Variants in SLC22A15 observed in about 807,000 individuals in gnomAD.
The protein encoded by SLC22A15 is solute carrier family 22 member 15, also known as flipt 1.
Under a neutral mutation model 62.7 loss-of-function variants are expected in SLC22A15, and 45 were observed. The observed-to-expected ratio is 0.72, with a 90% confidence interval of 0.56 to 0.92. SLC22A15 has a LOEUF of 0.92. Among genes scored for constraint, SLC22A15 ranks in the 40% least tolerant of loss-of-function variants. The probability of loss-of-function intolerance (pLI) is 0.00; values close to 1 mark genes in which losing one functional copy is unlikely to be tolerated. For missense variants in SLC22A15, 622 were observed against 665.6 expected (o/e 0.93, Z 0.72); for synonymous variants, 264 against 267.0 (o/e 0.99, Z 0.11).
At chr1:116,032,454 A>G (rs1487195158) in intron 6 of SLC22A15, 23 of 985,306 alleles carry the variant, frequency 2.3e-5, no homozygotes, top group Non-Finnish European at 2.8e-5. Context: ...GGAGCCCTAC[A>G]TTTCATGCAG....
intron 2 of SLC22A15, among the ~76,000 whole-genome samples, chr1:116,006,521 G>A (rs962835985): frequency 7.9e-5 from 12 of 152,172 alleles, no homozygotes; most frequent in Non-Finnish European, 1.6e-4. Context: ...GGCTGAGACA[G>A]CCTTCACCTT....
chr1:115,992,121 A>G lies in SLC22A15; in HGVS notation c.178A>G (p.Ser60Gly), dbSNP rs1296763499. 2 of 1,613,968 alleles carry G rather than the reference A, an allele frequency of 1.2e-6. No homozygotes were observed. Among genetic ancestry groups the G allele is most frequent in the Non-Finnish European group, 1.7e-6 (2 of 1,179,880 alleles). Residue 60 changes from serine to glycine, a missense_variant, in exon 2 of 12, where the codon AGC becomes GGC. Physicochemically the swap from Ser to Gly is moderately conservative, Grantham distance 56. Coordinates refer to ENST00000369503, the MANE Select transcript of SLC22A15 (RefSeq NM_018420.3). ...CCTGGCAGAGCTCCTGCCAAATCAG[A>G]GCCACGGTAACCAGTCAGCTGGTGA... ...WDLAELLPNQSHGNQSAGEDQ... is the reference protein window; with the variant it reads ...WDLAELLPNQGHGNQSAGEDQ...
chr1:116,039,503 A>G (rs758037360), intron 8 of SLC22A15, among the ~76,000 whole-genome samples: 1 of 152,200 alleles, frequency 6.6e-6, no homozygotes, highest in Non-Finnish European at 1.5e-5. Context: ...ATTGTATTCC[A>G]GTCTGGGTGA....
At chr1:116,058,284 A>G (rs1249911954) in intron 8 of SLC22A15, among the ~76,000 whole-genome samples, 2 of 152,150 alleles carry the variant, frequency 1.3e-5, no homozygotes, top group Non-Finnish European at 2.9e-5. Context: ...AAAACAAACA[A>G]TCCCATCAAA....
chr1:115,998,348 C>A (rs2101123833), intron 2 of SLC22A15, among the ~76,000 whole-genome samples: 1 of 152,008 alleles, frequency 6.6e-6, no homozygotes, highest in East Asian at 1.9e-4. Flanking sequence ...TTTTGGAGTA[C>A]TTTGAGTAGG....
At chr1:116,056,868 A>G (rs2101553054) in intron 8 of SLC22A15, among the ~76,000 whole-genome samples, 1 of 152,298 alleles carries the variant, frequency 6.6e-6, no homozygotes, top group East Asian at 1.9e-4. Flanking sequence ...CAAAGCTGAA[A>G]CTGGATCCCT....
At chr1:116,000,043 G>GT (rs571873188) in intron 2 of SLC22A15, among the ~76,000 whole-genome samples, 80 of 152,038 alleles carry the variant, frequency 5.3e-4, no homozygotes, top group African/African-American at 1.6e-3. Flanking sequence ...TTGGGTCTTG[G>GT]TTTTTTTATC....
rs1399851923 is a variant in SLC22A15 at position 116,069,969 on chromosome 1, A to G, written c.*2861A>G. On this transcript the variant is annotated 3_prime_UTR_variant, in exon 12 of 12. Coordinates refer to ENST00000369503, the MANE Select transcript of SLC22A15 (RefSeq NM_018420.3). ...TATCATTGGTTCTTAAATTGGAAAA[A>G]TATCTATAAATGATTACATTTTTAA... 2 of 152,224 alleles carry G rather than the reference A, an allele frequency of 1.3e-5. No individual in the cohort carries two copies. Among genetic ancestry groups the G allele is most frequent in the Non-Finnish European group, 1.5e-5 (1 of 68,032 alleles). 9.4% of individuals were successfully genotyped at this position (152,224 alleles called of 1,614,324 possible).
intron 7 of SLC22A15, among the ~76,000 whole-genome samples, chr1:116,036,725 C>G (rs1381864114): frequency 6.6e-6 from 1 of 152,160 alleles, no homozygotes; most frequent in African/African-American, 2.4e-5. Flanking sequence ...TCTTCCAAGT[C>G]TAAGGCTTTT....
At chr1:115,977,495 G>C (rs962357645) in intron 1 of SLC22A15, among the ~76,000 whole-genome samples, 4 of 152,220 alleles carry the variant, frequency 2.6e-5, no homozygotes, top group African/African-American at 7.2e-5. Context: ...CAACTTAAAT[G>C]GCTCATTTGA....
At chr1:115,986,330 A>T (rs778994951) in intron 1 of SLC22A15, among the ~76,000 whole-genome samples, 1 of 152,146 alleles carries the variant, frequency 6.6e-6, no homozygotes, top group Non-Finnish European at 1.5e-5. Flanking sequence ...CTTTAGAGGG[A>T]AATAGCAGTA....
chr1:116,034,117 T>C (rs1381525951), intron 6 of SLC22A15, among the ~76,000 whole-genome samples: 1 of 152,178 alleles, frequency 6.6e-6, no homozygotes, highest in African/African-American at 2.4e-5. Context: ...CAAATGAGAA[T>C]GTCCCCTTAA....
intron 8 of SLC22A15, among the ~76,000 whole-genome samples, chr1:116,057,251 T>C (rs1289507707): frequency 2.0e-5 from 3 of 151,988 alleles, no homozygotes; most frequent in Non-Finnish European, 2.9e-5. Flanking sequence ...GCAAAGGATA[T>C]GAACAGACAC....
chr1:116,056,156 C>T (rs1322797634), intron 8 of SLC22A15, among the ~76,000 whole-genome samples: 1 of 152,046 alleles, frequency 6.6e-6, no homozygotes, highest in Non-Finnish European at 1.5e-5. Context: ...TCTAGAAAAT[C>T]CCATTGTCTC....
intron 6 of SLC22A15, among the ~76,000 whole-genome samples, chr1:116,034,553 A>G (rs1657561972): frequency 6.6e-6 from 1 of 152,168 alleles, no homozygotes; most frequent in Non-Finnish European, 1.5e-5. Flanking sequence ...TCCTCCTAGA[A>G]GATCCTGCCT....
At chr1:116,009,801 T>G (rs1049944631) in intron 2 of SLC22A15, among the ~76,000 whole-genome samples, 9 of 152,226 alleles carry the variant, frequency 5.9e-5, no homozygotes, top group African/African-American at 2.2e-4. Flanking sequence ...TTGGTTCATA[T>G]TGAAATAATC....
intron 1 of SLC22A15, among the ~76,000 whole-genome samples, chr1:115,977,261 C>G (rs1477020492): frequency 1.3e-5 from 2 of 152,188 alleles, no homozygotes; most frequent in African/African-American, 4.8e-5. Flanking sequence ...ATTTATTTCC[C>G]TCTGGTTTAA....
intron 1 of SLC22A15, among the ~76,000 whole-genome samples, chr1:115,980,944 T>C (rs1203876988): frequency 3.3e-5 from 5 of 152,216 alleles, no homozygotes; most frequent in African/African-American, 1.2e-4. Flanking sequence ...TAAAAATCAA[T>C]ATTCCTTTGA....
intron 1 of SLC22A15, among the ~76,000 whole-genome samples, chr1:115,991,642 GA>G (rs1418990840): frequency 6.6e-6 from 1 of 152,184 alleles, no homozygotes; most frequent in African/African-American, 2.4e-5. Context: ...TATCTGACCT[GA>G]AGATATAGTG....
Sources: gnomAD v4.1 joint callset for allele counts (sites outside exome capture counted in the v4.1 genomes callset) on GRCh38, gnomAD v4.1.1 for gene constraint, MANE v1.5 for transcripts, NCBI Gene and HGNC (gene_info 2026-07-23, HGNC 2026-07-21) for gene names.